RFC3: variants seen among roughly 807,000 people sequenced by gnomAD.
RFC3 encodes A1 38 kDa subunit.
RFC3 carries 41 observed loss-of-function variants against 45.1 expected under a neutral mutation model. The observed-to-expected ratio is 0.91, with a 90% CI of 0.71 to 1.18. RFC3 has a LOEUF of 1.18. Among genes scored for constraint, RFC3 ranks in the 50% most tolerant of loss-of-function variants. The pLI, the probability that RFC3 is intolerant of heterozygous loss-of-function variation, is 0.00. For synonymous variants in RFC3, 149 were observed against 144.0 expected, an observed-to-expected ratio of 1.03 and a Z score of -0.25; for missense variants, 423 against 428.1, an observed-to-expected ratio of 0.99 and a Z score of 0.10.
chr13:33,859,678 A>G (rs1326125106), intron 8 of RFC3, among the ~76,000 whole-genome samples: 1 of 152,202 alleles, frequency 6.6e-6, no homozygotes, highest in Non-Finnish European at 1.5e-5. Flanking sequence ...TAGGATGCAC[A>G]TATATATGTG....
chr13:33,888,639 C>A (rs2082542813), intron 8 of RFC3, among the ~76,000 whole-genome samples: 1 of 151,814 alleles, frequency 6.6e-6, no homozygotes, highest in African/African-American at 2.4e-5. Flanking sequence ...TTATCCAGAT[C>A]TCATATAGCA....
chr13:33,831,322 A>G lies in RFC3; in HGVS notation c.777A>G (p.Ala259=). The change falls in exon 7 of 9, where the codon GCA becomes GCG. Residue 259 remains alanine (A), a synonymous_variant. Transcript: ENST00000380071. ...GGGAGGTGTATCTGAGGGAGACTGC[A>G]AATGCTATTGTCAGTCAGCAAACTC... ...TDWEVYLRET[A]NAIVSQQTPQ... 6.2e-7 allele frequency: 1 copy of G among 1,609,548 alleles called. No homozygotes were observed. Among genetic ancestry groups the G allele is most frequent in the Non-Finnish European group, 8.5e-7 (1 of 1,175,782 alleles).
chr13:33,953,626 T>A (rs1161053566), intron 8 of RFC3, among the ~76,000 whole-genome samples: 2 of 152,144 alleles, frequency 1.3e-5, no homozygotes, highest in African/African-American at 4.8e-5. Flanking sequence ...GTAGCCTTCA[T>A]GATGACATAA....
At chr13:33,879,941 A>T (rs1447230629) in intron 8 of RFC3, among the ~76,000 whole-genome samples, 1 of 152,154 alleles carries the variant, frequency 6.6e-6, no homozygotes, top group Non-Finnish European at 1.5e-5. Context: ...GCCATGGCTT[A>T]AGTCTTTCGC....
intron 8 of RFC3, among the ~76,000 whole-genome samples, chr13:33,912,852 G>A (rs1309648432): frequency 6.6e-6 from 1 of 152,012 alleles, no homozygotes; most frequent in Non-Finnish European, 1.5e-5. Flanking sequence ...TTATAAGGGT[G>A]GCCTAGGGAT....
At chr13:33,896,268 A>G (rs1432857694) in intron 8 of RFC3, among the ~76,000 whole-genome samples, 1 of 151,960 alleles carries the variant, frequency 6.6e-6, no homozygotes, top group Non-Finnish European at 1.5e-5. Flanking sequence ...CCAAAACAAA[A>G]AGAAAACTTT....
At chr13:33,834,151 GTTC>G (rs1330486177) in intron 7 of RFC3, among the ~76,000 whole-genome samples, 7 of 149,884 alleles carry the variant, frequency 4.7e-5, no homozygotes, top group African/African-American at 1.7e-4. Context: ...AGAAATGCTA[GTTC>G]TTTTTTTTTT....
At chr13:33,850,966 ATAAAT>A (rs2082272928) in intron 8 of RFC3, 2 of 152,050 alleles carry the variant, frequency 1.3e-5, no homozygotes, top group Non-Finnish European at 2.9e-5. Flanking sequence ...TCCTCACAAA[ATAAAT>A]TCAGTTGGAA....
chr13:33,941,549 G>A (rs1237249928), intron 8 of RFC3, among the ~76,000 whole-genome samples: 1 of 152,052 alleles, frequency 6.6e-6, no homozygotes, highest in Non-Finnish European at 1.5e-5. Flanking sequence ...TTGGCACTTT[G>A]TTTTTGGCAC....
chr13:33,956,098 G>A (rs1364323857), intron 8 of RFC3, among the ~76,000 whole-genome samples: 1 of 152,098 alleles, frequency 6.6e-6, no homozygotes, highest in Non-Finnish European at 1.5e-5. Context: ...TTAAATAAAT[G>A]CAGACCTCTC....
chr13:33,830,728 G>A lies in RFC3; in HGVS notation c.583G>A (p.Val195Met), dbSNP rs41553716. 311 of 1,602,442 alleles carry A rather than the reference G, an allele frequency of 1.9e-4. 4 individuals carry two copies. The East Asian group carries it at 6.5e-3, about 33-fold the overall frequency. The change falls in exon 6 of 9, where the codon GTG becomes ATG. Residue 195 changes from valine to methionine, a missense_variant. Coordinates refer to ENST00000380071, the MANE Select transcript of RFC3 (RefSeq NM_002915.4). ...PAPSIEDICH[V>M]LSTVCKKEGL... ...TTAATTTTATTTGTAGATTTGCCACGTGTTATCTACTGTGTGTAAGAAGGA... is the reference window on the plus strand; with the variant it reads ...TTAATTTTATTTGTAGATTTGCCACATGTTATCTACTGTGTGTAAGAAGGA...
At chr13:33,973,154 G>GTA in the RFC3 span, among the ~76,000 whole-genome samples, 538 of 150,508 alleles carry the variant, frequency 3.6e-3, 1 homozygote, top group African/African-American at 9.5e-3. Context: ...GTGTGTGTGT[G>GTA]TATATATATA....
chr13:33,878,004 G>C (rs921455947), intron 8 of RFC3, among the ~76,000 whole-genome samples: 2 of 151,876 alleles, frequency 1.3e-5, no homozygotes, highest in African/African-American at 2.4e-5. Context: ...CTCTGACTCT[G>C]AGCTTTCCAT....
chr13:33,924,576 A>G (rs1431999012), intron 8 of RFC3, among the ~76,000 whole-genome samples: 1 of 151,386 alleles, frequency 6.6e-6, no homozygotes. Flanking sequence ...CATCAGCAAG[A>G]TGAACAGATA....
intron 8 of RFC3, chr13:33,848,818 A>G (rs1233039684): frequency 6.6e-6 from 1 of 152,198 alleles, no homozygotes; most frequent in Non-Finnish European, 1.5e-5. Flanking sequence ...AATTCTTCAT[A>G]CTCAACATGG....
chr13:33,917,882 T>C (rs2082743421), intron 8 of RFC3, among the ~76,000 whole-genome samples: 1 of 152,068 alleles, frequency 6.6e-6, no homozygotes, highest in African/African-American at 2.4e-5. Flanking sequence ...ACAGGAAACC[T>C]TCACTTGTTG....
At chr13:33,852,774 G>C (rs955347251) in intron 8 of RFC3, among the ~76,000 whole-genome samples, 1 of 152,184 alleles carries the variant, frequency 6.6e-6, no homozygotes, top group African/African-American at 2.4e-5. Context: ...TCTGTAGCCT[G>C]GGAAGAAAGC....
chr13:33,909,567 C>T (rs1260003851), intron 8 of RFC3, among the ~76,000 whole-genome samples: 1 of 151,892 alleles, frequency 6.6e-6, no homozygotes, highest in African/African-American at 2.4e-5. Flanking sequence ...CCTTCTTTAC[C>T]TCTTCCTCTT....
chr13:33,910,361 A>G (rs1352537170), intron 8 of RFC3, among the ~76,000 whole-genome samples: 3 of 152,146 alleles, frequency 2.0e-5, no homozygotes, highest in Non-Finnish European at 4.4e-5. Context: ...AGTGGGGATT[A>G]TTAATAGGAC....
Sources: gnomAD v4.1 joint callset for allele counts (sites outside exome capture counted in the v4.1 genomes callset) on GRCh38, gnomAD v4.1.1 for gene constraint, MANE v1.5 for transcripts, NCBI Gene and HGNC (gene_info 2026-07-23, HGNC 2026-07-21) for gene names.